The following SYT1 variants were observed in gnomAD, a reference collection of about 807,000 sequenced individuals.
SYT1 encodes the protein synaptotagmin 1, also known as synaptotagmin-1.
A neutral mutation model predicts 44.8 loss-of-function variants in SYT1; 8 were observed. The ratio of observed to expected loss-of-function variants is 0.18; its 90% CI spans 0.10 to 0.32. The LOEUF is 0.32. Ranked by LOEUF, SYT1 falls within the 10% of genes least tolerant of loss-of-function variation. The probability of loss-of-function intolerance (pLI) is 1.00; values close to 1 mark genes in which losing one functional copy is unlikely to be tolerated. For missense variants in SYT1, 286 were observed against 509.3 expected (o/e 0.56, Z 4.22); for synonymous variants, 154 against 188.8 (o/e 0.82, Z 1.51).
intron 4 of SYT1, among the ~76,000 whole-genome samples, chr12:79,280,450 A>G (rs1009925211): frequency 2.0e-5 from 3 of 152,028 alleles, no homozygotes; most frequent in East Asian, 3.9e-4. Flanking sequence ...ATAGCCAAAT[A>G]CAGAAGAATG....
At chr12:79,377,096 CA>C (rs1346821322) in intron 9 of SYT1, among the ~76,000 whole-genome samples, 1 of 86,168 alleles carries the variant, frequency 1.2e-5, no homozygotes, top group Non-Finnish European at 2.0e-5. Context: ...GTTTATGTAA[CA>C]TTTTTTGTTT....
At chr12:79,145,573 T>A (rs1286522838) in intron 3 of SYT1, among the ~76,000 whole-genome samples, 1 of 152,208 alleles carries the variant, frequency 6.6e-6, no homozygotes, top group Non-Finnish European at 1.5e-5. Context: ...TAAAATTTAC[T>A]ACTCATGACA....
intron 1 of SYT1, among the ~76,000 whole-genome samples, chr12:78,929,019 T>C (rs1877464592): frequency 6.6e-6 from 1 of 152,046 alleles, no homozygotes; most frequent in South Asian, 2.1e-4. Context: ...CTTAAGATTG[T>C]TAACTAAAAA....
chr12:79,318,715 G>T, intron 8 of SYT1, among the ~76,000 whole-genome samples: 1 of 152,110 alleles, frequency 6.6e-6, no homozygotes, highest in Non-Finnish European at 1.5e-5. Context: ...TCAATATTCC[G>T]ACAAGGTGCT....
chr12:78,957,594 G>T (rs1592604002), intron 1 of SYT1, among the ~76,000 whole-genome samples: 2 of 152,146 alleles, frequency 1.3e-5, no homozygotes, highest in Admixed American at 1.3e-4. Flanking sequence ...GGAGAGTAGA[G>T]CCAAGGTTGG....
chr12:79,182,547 A>G (rs1261973259), intron 3 of SYT1, among the ~76,000 whole-genome samples: 4 of 152,092 alleles, frequency 2.6e-5, no homozygotes, highest in African/African-American at 9.7e-5. Context: ...GCCTGAGAGT[A>G]AAAGGAGAAA....
At chr12:79,092,537 TGAAA>T (rs1458699691) in intron 3 of SYT1, among the ~76,000 whole-genome samples, 5 of 151,180 alleles carry the variant, frequency 3.3e-5, no homozygotes, top group Non-Finnish European at 7.4e-5. Flanking sequence ...AAATGAAACA[TGAAA>T]GAATAAGCCA....
intron 9 of SYT1, among the ~76,000 whole-genome samples, chr12:79,365,870 A>G (rs1201027661): frequency 2.0e-5 from 3 of 148,214 alleles, no homozygotes; most frequent in African/African-American, 7.6e-5. Context: ...TAGCTTGTAG[A>G]TTTTCATATT....
intron 2 of SYT1, among the ~76,000 whole-genome samples, chr12:79,007,554 C>A (rs1004018651): frequency 1.3e-5 from 2 of 152,032 alleles, no homozygotes; most frequent in Non-Finnish European, 2.9e-5. Context: ...CCCTTAAGGA[C>A]CTCTATGTCA....
intron 3 of SYT1, among the ~76,000 whole-genome samples, chr12:79,185,815 T>C (rs1178053431): frequency 6.6e-6 from 1 of 152,040 alleles, no homozygotes; most frequent in Non-Finnish European, 1.5e-5. Flanking sequence ...TTCTATAAAA[T>C]ATGTCCTATA....
chr12:79,120,399 T>G (rs892777497), intron 3 of SYT1, among the ~76,000 whole-genome samples: 1 of 152,058 alleles, frequency 6.6e-6, no homozygotes, highest in African/African-American at 2.4e-5. Context: ...CCGTACCTAC[T>G]GTATCTAAAA....
chr12:78,966,066 G>A (rs1286584071), intron 1 of SYT1, among the ~76,000 whole-genome samples: 3 of 143,782 alleles, frequency 2.1e-5, no homozygotes, highest in Admixed American at 7.0e-5. Context: ...GATAGAATGA[G>A]ACTCTGTCTC....
intron 2 of SYT1, among the ~76,000 whole-genome samples, chr12:79,037,639 C>T (rs1873219975): frequency 6.6e-6 from 1 of 151,740 alleles, no homozygotes; most frequent in Non-Finnish European, 1.5e-5. Context: ...GAAAATTCTT[C>T]TGCCCTAAAT....
At chr12:79,444,020 T>C in intron 9 of SYT1, 53 bp from the exon 10 acceptor site, 1 of 1,590,514 alleles carries the variant, frequency 6.3e-7, no homozygotes, top group Non-Finnish European at 8.5e-7. Context: ...TAACTTATAA[T>C]CTAAAATATG....
intron 4 of SYT1, among the ~76,000 whole-genome samples, chr12:79,253,483 G>GTC (rs60179268): frequency 0.059 from 7,592 of 129,330 alleles, 302 homozygotes; most frequent in East Asian, 0.11. Context: ...CCATTGCCCA[G>GTC]TCTCTCTCTC....
At chr12:78,964,566 A>G (rs12815444) in intron 1 of SYT1, among the ~76,000 whole-genome samples, 14,250 of 152,248 alleles carry the variant, frequency 0.094, 964 homozygotes, top group East Asian at 0.3. Flanking sequence ...AATGGTCACA[A>G]TTGAAATAGT....
intron 8 of SYT1, among the ~76,000 whole-genome samples, chr12:79,316,141 C>T (rs950843532): frequency 1.3e-5 from 2 of 152,178 alleles, no homozygotes; most frequent in African/African-American, 4.8e-5. Flanking sequence ...TTTCTTATCC[C>T]CAAAGAAGTT....
At chr12:79,127,033 C>G (rs1223903145) in intron 3 of SYT1, among the ~76,000 whole-genome samples, 1 of 152,174 alleles carries the variant, frequency 6.6e-6, no homozygotes, top group Non-Finnish European at 1.5e-5. Flanking sequence ...CTCTCAGCAT[C>G]TAGTCTATTG....
intron 4 of SYT1, among the ~76,000 whole-genome samples, chr12:79,262,892 G>T (rs1877908444): frequency 6.6e-6 from 1 of 152,118 alleles, no homozygotes; most frequent in South Asian, 2.1e-4. Context: ...AGGCAAAAAA[G>T]CAGCTCACAA....
Sources: allele counts gnomAD v4.1 joint callset (sites outside exome capture counted in the v4.1 genomes callset), GRCh38; gene constraint gnomAD v4.1.1; transcripts MANE v1.5; gene names NCBI Gene and HGNC (gene_info 2026-07-23, HGNC 2026-07-21).